The following C1QTNF3 variants were observed in gnomAD, a reference collection of about 807,000 sequenced individuals.
C1QTNF3 encodes complement C1q tumor necrosis factor-related protein 3.
A neutral mutation model predicts 32.6 loss-of-function variants in C1QTNF3; 26 were observed. The observed-to-expected ratio is 0.80, with a 90% CI of 0.58 to 1.11. The LOEUF is 1.11. Ranked by LOEUF, C1QTNF3 falls within the 50% of genes least tolerant of loss-of-function variation. C1QTNF3 has a pLI of 0.00. For missense variants in C1QTNF3, 362 were observed against 398.2 expected (o/e 0.91, Z 0.77); for synonymous variants, 155 against 146.0 (o/e 1.06, Z -0.44).
chr5:34,035,546 T>G, intron 2 of C1QTNF3, 101 bp downstream of exon 2: 1 of 864,684 alleles, frequency 1.2e-6, no homozygotes, highest in East Asian at 2.6e-5. Flanking sequence ...GCGGATCCTT[T>G]GGATCACACA....
chr5:34,208,132 T>G, the C1QTNF3 span, among the ~76,000 whole-genome samples: 2 of 152,324 alleles, frequency 1.3e-5, no homozygotes, highest in African/African-American at 4.8e-5. Context: ...GAATGATTAT[T>G]TAGTCTTGCA....
chr5:34,063,297 CCTCTCTCTCTCACTT>C, the C1QTNF3 span, among the ~76,000 whole-genome samples: 31 of 150,134 alleles, frequency 2.1e-4, no homozygotes, highest in Admixed American at 1.8e-3. Flanking sequence ...CCCTCTCTCT[CCTCTCTCTCTCACTT>C]CTCTCTCCCT....
At chr5:34,062,024 G>C in the C1QTNF3 span, among the ~76,000 whole-genome samples, 12 of 152,308 alleles carry the variant, frequency 7.9e-5, no homozygotes, top group South Asian at 2.5e-3. Context: ...CAGCCCCCAA[G>C]TCACCTATTG....
chr5:34,067,222 A>G, the C1QTNF3 span, among the ~76,000 whole-genome samples: 1 of 152,232 alleles, frequency 6.6e-6, no homozygotes, highest in African/African-American at 2.4e-5. Context: ...AAACTTTCCC[A>G]GATTTCCTTG....
At chr5:34,114,749 C>A in the C1QTNF3 span, among the ~76,000 whole-genome samples, 1 of 152,106 alleles carries the variant, frequency 6.6e-6, no homozygotes, top group Non-Finnish European at 1.5e-5. Flanking sequence ...TAAATTTCTG[C>A]ACTTTGTGAG....
At chr5:34,080,255 T>C in the C1QTNF3 span, among the ~76,000 whole-genome samples, 1 of 151,758 alleles carries the variant, frequency 6.6e-6, no homozygotes, top group African/African-American at 2.4e-5. Flanking sequence ...TGCACAATTA[T>C]CTGTGCAAAG....
chr5:34,177,195 A>T, the C1QTNF3 span, among the ~76,000 whole-genome samples: 219 of 152,288 alleles, frequency 1.4e-3, 2 homozygotes, highest in African/African-American at 4.1e-3. Context: ...TCAAAAAAAA[A>T]TTTTTTTAAA....
the C1QTNF3 span, among the ~76,000 whole-genome samples, chr5:34,061,676 C>A: frequency 4.6e-5 from 7 of 152,194 alleles, no homozygotes; most frequent in African/African-American, 1.7e-4. Context: ...TATGTTGGCA[C>A]CTTTCAGCCA....
the C1QTNF3 span, among the ~76,000 whole-genome samples, chr5:34,088,269 C>T: frequency 6.6e-6 from 1 of 152,158 alleles, no homozygotes; most frequent in Non-Finnish European, 1.5e-5. Flanking sequence ...GAAACTCATC[C>T]ACATTCTTGA....
At chr5:34,075,312 T>C in the C1QTNF3 span, among the ~76,000 whole-genome samples, 10 of 151,568 alleles carry the variant, frequency 6.6e-5, no homozygotes, top group Admixed American at 6.6e-4. Context: ...GTCTAGGAAA[T>C]AAAGAGGCAA....
the C1QTNF3 span, among the ~76,000 whole-genome samples, chr5:34,074,436 A>C: frequency 2.6e-5 from 4 of 151,774 alleles, no homozygotes; most frequent in South Asian, 8.3e-4. Flanking sequence ...ATTTCTCTAC[A>C]TCGGCTAATA....
rs945150870 is a variant in C1QTNF3, at chr5:34,028,945, G to A, written c.571-62C>T. 2.0e-6 allele frequency: 3 copies of A among 1,480,272 alleles called. No individual in the cohort carries two copies. The African/African-American group carries it at 4.2e-5, about 21-fold the overall frequency. The allele number at this position is 1,480,272 out of a possible 1,614,324, so 91.7% of individuals were successfully genotyped here. Reference sequence around the variant, plus strand: ...TATCTTAAAGAAGTCAAGTTTTTATGCAGATTAGTTTGTTAAACATTATAC... The same window carrying A: ...TATCTTAAAGAAGTCAAGTTTTTATACAGATTAGTTTGTTAAACATTATAC... On this transcript the variant is annotated intron_variant, in intron 3 of 5. Coordinates refer to ENST00000382065, the MANE Select transcript of C1QTNF3 (RefSeq NM_181435.6).
the C1QTNF3 span, among the ~76,000 whole-genome samples, chr5:34,159,553 C>G: frequency 2.0e-5 from 3 of 151,974 alleles, no homozygotes; most frequent in Non-Finnish European, 4.4e-5. Context: ...GTTCCAGAAA[C>G]AATTTATAGT....
chr5:34,219,429 T>TAA, the C1QTNF3 span, among the ~76,000 whole-genome samples: 1 of 146,598 alleles, frequency 6.8e-6, no homozygotes, highest in African/African-American at 2.5e-5. Flanking sequence ...ATCAATATGG[T>TAA]AAAAAAAAAA....
intron 4 of C1QTNF3, among the ~76,000 whole-genome samples, chr5:34,026,689 G>T (rs73079047): frequency 0.017 from 2,578 of 152,106 alleles, 85 homozygotes; most frequent in African/African-American, 0.06. Flanking sequence ...TCTAGAAACT[G>T]CCCTGGTCCT....
the C1QTNF3 span, among the ~76,000 whole-genome samples, chr5:34,129,156 GC>G: frequency 6.6e-6 from 1 of 152,132 alleles, no homozygotes; most frequent in Non-Finnish European, 1.5e-5. Context: ...AAGATGGCTT[GC>G]TTCCCCTTTG....
At chr5:34,213,667 T>C in the C1QTNF3 span, among the ~76,000 whole-genome samples, 4 of 147,686 alleles carry the variant, frequency 2.7e-5, no homozygotes, top group Admixed American at 1.4e-4. Context: ...AATATAGATA[T>C]AGCCAGGACA....
At chr5:34,163,188 T>C in the C1QTNF3 span, among the ~76,000 whole-genome samples, 1 of 152,140 alleles carries the variant, frequency 6.6e-6, no homozygotes, top group South Asian at 2.1e-4. Flanking sequence ...TTTAGATTTA[T>C]GGTCCAACAT....
chr5:34,030,090 T>C (rs1403218963), intron 3 of C1QTNF3, among the ~76,000 whole-genome samples: 1 of 152,226 alleles, frequency 6.6e-6, no homozygotes, highest in African/African-American at 2.4e-5. Context: ...AAAAATGGTT[T>C]ACTAAAATTA....
Sources: gnomAD v4.1 joint callset for allele counts (sites outside exome capture counted in the v4.1 genomes callset) on GRCh38, gnomAD v4.1.1 for gene constraint, MANE v1.5 for transcripts, NCBI Gene and HGNC (gene_info 2026-07-23, HGNC 2026-07-21) for gene names.